The following ASIC2 variants were observed in gnomAD, a reference collection of about 807,000 sequenced individuals.
ASIC2 encodes the protein acid-sensing ion channel 2.
A neutral mutation model predicts 57.3 loss-of-function variants in ASIC2; 25 were observed. The observed-to-expected ratio is 0.44, with a 90% CI of 0.32 to 0.61. ASIC2 has a LOEUF of 0.61. Ranked by LOEUF, ASIC2 falls within the 20% of genes least tolerant of loss-of-function variation. The probability of loss-of-function intolerance (pLI) is 0.06; values close to 1 mark genes in which losing one functional copy is unlikely to be tolerated. For missense variants in ASIC2, 641 were observed against 738.1 expected, an observed-to-expected ratio of 0.87 and a Z score of 1.52; for synonymous variants, 319 against 307.5, an observed-to-expected ratio of 1.04 and a Z score of -0.39.
intron 1 of ASIC2, among the ~76,000 whole-genome samples, chr17:33,586,697 T>C (rs879876514): frequency 1.3e-5 from 2 of 152,226 alleles, no homozygotes; most frequent in African/African-American, 2.4e-5. Flanking sequence ...TCTTTCTTAT[T>C]CTTTAGGTCT....
At chr17:33,364,968 C>T (rs1388980474) in intron 1 of ASIC2, among the ~76,000 whole-genome samples, 2 of 152,200 alleles carry the variant, frequency 1.3e-5, no homozygotes, top group African/African-American at 4.8e-5. Flanking sequence ...GCCAGGCCAT[C>T]CTCCTTTTCT....
chr17:33,974,996 C>A (rs1328941874), intron 1 of ASIC2, among the ~76,000 whole-genome samples: 2 of 152,166 alleles, frequency 1.3e-5, no homozygotes, highest in Non-Finnish European at 2.9e-5. Flanking sequence ...GGCCATCTCT[C>A]CCCACTAGAA....
intron 2 of ASIC2, among the ~76,000 whole-genome samples, chr17:33,098,930 T>A (rs1003053374): frequency 6.0e-5 from 9 of 149,406 alleles, no homozygotes; most frequent in Non-Finnish European, 1.3e-4. Context: ...ACACACAAAA[T>A]ATATATATAC....
chr17:33,519,194 C>T (rs1298894933), intron 1 of ASIC2, among the ~76,000 whole-genome samples: 1 of 152,206 alleles, frequency 6.6e-6, no homozygotes, highest in African/African-American at 2.4e-5. Context: ...AAGTAGCTTA[C>T]CCAAGGTCAC....
chr17:33,574,393 T>C (rs1916552109), intron 1 of ASIC2, among the ~76,000 whole-genome samples: 1 of 152,078 alleles, frequency 6.6e-6, no homozygotes, highest in African/African-American at 2.4e-5. Context: ...GAGTTGTTGA[T>C]CTTTTTCTTA....
intron 1 of ASIC2, among the ~76,000 whole-genome samples, chr17:33,780,328 A>C (rs1787582960): frequency 1.1e-4 from 16 of 152,088 alleles, no homozygotes; most frequent in Admixed American, 1.0e-3. Context: ...GCAGACCACA[A>C]GTGGGCTGAG....
intron 1 of ASIC2, among the ~76,000 whole-genome samples, chr17:33,676,804 C>T (rs1225799494): frequency 6.6e-6 from 1 of 152,224 alleles, no homozygotes; most frequent in Non-Finnish European, 1.5e-5. Context: ...GAATACATGT[C>T]TCCACCAAAT....
intron 1 of ASIC2, among the ~76,000 whole-genome samples, chr17:33,424,449 GA>G (rs1390802532): frequency 2.0e-5 from 3 of 152,168 alleles, no homozygotes. Context: ...TAGGGACCCT[GA>G]AAACACTGGA....
chr17:33,422,461 G>T (rs1911078530), intron 1 of ASIC2, among the ~76,000 whole-genome samples: 1 of 152,182 alleles, frequency 6.6e-6, no homozygotes, highest in Non-Finnish European at 1.5e-5. Flanking sequence ...TTTTAGCTGA[G>T]CCCCTAAGGG....
chr17:34,124,608 AAACAAC>A (rs568628443), intron 1 of ASIC2, among the ~76,000 whole-genome samples: 2 of 152,148 alleles, frequency 1.3e-5, no homozygotes, highest in African/African-American at 4.8e-5. Flanking sequence ...AAAAATAAAC[AAACAAC>A]AACAACAACA....
At chr17:34,015,963 T>C (rs746474984) in intron 1 of ASIC2, among the ~76,000 whole-genome samples, 6 of 152,362 alleles carry the variant, frequency 3.9e-5, no homozygotes, top group Admixed American at 1.3e-4. Context: ...ATAGAGCAGA[T>C]GCTACAATGG....
chr17:33,238,818 A>T (rs1378975811), intron 1 of ASIC2, among the ~76,000 whole-genome samples: 1 of 152,170 alleles, frequency 6.6e-6, no homozygotes, highest in Non-Finnish European at 1.5e-5. Flanking sequence ...AGCCTGGCCA[A>T]CATGGTGAAA....
At chr17:33,848,032 C>G (rs1913659810) in intron 1 of ASIC2, among the ~76,000 whole-genome samples, 1 of 152,080 alleles carries the variant, frequency 6.6e-6, no homozygotes, top group African/African-American at 2.4e-5. Context: ...AAGAGATTTG[C>G]CTGGGGCCTC....
chr17:33,093,848 G>C (rs948684699), intron 2 of ASIC2, among the ~76,000 whole-genome samples: 1 of 152,228 alleles, frequency 6.6e-6, no homozygotes, highest in African/African-American at 2.4e-5. Flanking sequence ...ATAAACACTG[G>C]AGAGAAGTAG....
At chr17:33,060,496 C>T (rs986076163) in intron 3 of ASIC2, among the ~76,000 whole-genome samples, 20 of 149,632 alleles carry the variant, frequency 1.3e-4, no homozygotes, top group Non-Finnish European at 8.9e-5. Context: ...TTTCTGAGGG[C>T]TCTGTTCTGT....
At chr17:33,441,533 A>G (rs766039375) in intron 1 of ASIC2, among the ~76,000 whole-genome samples, 40 of 152,312 alleles carry the variant, frequency 2.6e-4, no homozygotes, top group Non-Finnish European at 3.2e-4. Context: ...ATGGGGCTTC[A>G]GGACATGCTG....
chr17:33,836,667 A>C (rs1046064886), intron 1 of ASIC2, among the ~76,000 whole-genome samples: 1 of 152,010 alleles, frequency 6.6e-6, no homozygotes, highest in African/African-American at 2.4e-5. Flanking sequence ...AACTTGACCA[A>C]CATGGTGAAA....
rs528344289 is a variant in ASIC2 at position 33,166,998 on chromosome 17, C to T, written c.709-54931G>A. ...AATATCTTATGACTGGAAGAGCCAG[C>T]AATGTCTGTCTCATTGACAGATTGT... On this transcript the variant is annotated intron_variant, in intron 1 of 9. Transcript: ENST00000225823. 2.0e-5 allele frequency among the ~76,000 whole-genome samples: 3 copies of T among 152,330 alleles called. No homozygotes were observed. The East Asian group carries it at 5.8e-4, about 29-fold the overall frequency.
intron 1 of ASIC2, among the ~76,000 whole-genome samples, chr17:33,290,129 T>C (rs1905360201): frequency 6.6e-6 from 1 of 152,200 alleles, no homozygotes; most frequent in African/African-American, 2.4e-5. Context: ...GGCTACTAAA[T>C]ATACAAGCTT....
Sources: allele counts gnomAD v4.1 joint callset (sites outside exome capture counted in the v4.1 genomes callset), GRCh38; gene constraint gnomAD v4.1.1; transcripts MANE v1.5; gene names NCBI Gene and HGNC (gene_info 2026-07-23, HGNC 2026-07-21).